Variants in NAALADL2 observed in about 807,000 individuals in gnomAD.
NAALADL2 encodes the protein N-acetylated alpha-linked acidic dipeptidase like 2.
NAALADL2 carries 76 observed loss-of-function variants against 87.2 expected under a neutral mutation model. The observed-to-expected ratio is 0.87, with a 90% CI of 0.72 to 1.05. The LOEUF is 1.05. Ranked by LOEUF, NAALADL2 falls within the 50% of genes least tolerant of loss-of-function variation. The pLI, the probability that NAALADL2 is intolerant of heterozygous loss-of-function variation, is 0.00. For missense variants in NAALADL2, 1,089 were observed against 945.8 expected (o/e 1.15, Z -1.99); for synonymous variants, 354 against 331.0 (o/e 1.07, Z -0.75).
chr3:174,841,904 C>T (rs1036942137), intron 3 of NAALADL2, among the ~76,000 whole-genome samples: 2 of 152,052 alleles, frequency 1.3e-5, no homozygotes, highest in Admixed American at 6.6e-5. Context: ...CTTAGCATTC[C>T]TCTTGAGGGG....
intron 12 of NAALADL2, among the ~76,000 whole-genome samples, 153 bp downstream of exon 12, chr3:175,737,552 TTA>T (rs1246335943): frequency 1.3e-5 from 2 of 152,080 alleles, no homozygotes; most frequent in African/African-American, 4.8e-5. Context: ...TGGAAGAATT[TTA>T]GTTTTCATTC....
intron 1 of NAALADL2, among the ~76,000 whole-genome samples, chr3:174,484,911 T>C (rs1196414557): frequency 6.6e-6 from 1 of 151,928 alleles, no homozygotes; most frequent in Non-Finnish European, 1.5e-5. Flanking sequence ...ATAGGCAGTA[T>C]TTGCTTAGCC....
At chr3:175,168,907 CTCAAATAAGA>C (rs1026224188) in intron 2 of NAALADL2, among the ~76,000 whole-genome samples, 1 of 151,556 alleles carries the variant, frequency 6.6e-6, no homozygotes. Flanking sequence ...TATTGTTGTC[CTCAAATAAGA>C]TCAAACATTT....
chr3:175,400,181 C>T (rs1011351522), intron 5 of NAALADL2, among the ~76,000 whole-genome samples: 5 of 152,060 alleles, frequency 3.3e-5, no homozygotes, highest in Admixed American at 6.6e-5. Flanking sequence ...AATCAATCTG[C>T]GTTATTCCCA....
In NAALADL2 at chr3:175,259,498, AC is replaced by A. The variant is rs765312974; in HGVS notation, c.939+2969del. On this transcript the variant is annotated intron_variant, in intron 4 of 13. Transcript: ENST00000454872. ...TCAGGAAAAATGAACCTCTAGGGAT[AC>A]TTTTAAAAGAGTAATGGGAAAGAAA... Among the ~76,000 whole-genome samples the A allele has an allele frequency of 2.5e-4, 38 of 152,316 alleles. No homozygotes were observed. In the Middle Eastern group the frequency reaches 0.014, roughly 55 times the overall value.
chr3:174,938,994 C>T (rs1738159658), intron 1 of NAALADL2, among the ~76,000 whole-genome samples: 1 of 151,908 alleles, frequency 6.6e-6, no homozygotes, highest in Non-Finnish European at 1.5e-5. Context: ...TTTTGCTGTG[C>T]AGAAGCTCTT....
chr3:175,513,169 A>G (rs149817768), intron 9 of NAALADL2, among the ~76,000 whole-genome samples: 27 of 152,314 alleles, frequency 1.8e-4, no homozygotes, highest in Middle Eastern at 6.8e-3. Flanking sequence ...AATGAATATT[A>G]TTAATGGAAC....
At chr3:174,981,681 C>A (rs145984905) in intron 1 of NAALADL2, among the ~76,000 whole-genome samples, 1 of 152,028 alleles carries the variant, frequency 6.6e-6, no homozygotes, top group Non-Finnish European at 1.5e-5. Flanking sequence ...ATAAAAAAAC[C>A]CCAAAATGAC....
intron 2 of NAALADL2, among the ~76,000 whole-genome samples, chr3:175,151,824 TAGC>T (rs1486045218): frequency 6.6e-6 from 1 of 152,136 alleles, no homozygotes; most frequent in African/African-American, 2.4e-5. Flanking sequence ...GAATAAATCA[TAGC>T]AACAACAAAA....
At chr3:174,495,454 G>A (rs1415870827) in intron 1 of NAALADL2, among the ~76,000 whole-genome samples, 1 of 152,118 alleles carries the variant, frequency 6.6e-6, no homozygotes, top group South Asian at 2.1e-4. Context: ...TCTTGAACAC[G>A]TTTATTCCCA....
rs560591543 is a variant in NAALADL2 at position 175,009,728 on chromosome 3, T to G, written c.44-87062T>G. Among the ~76,000 whole-genome samples the G allele has an allele frequency of 7.7e-4, 118 of 152,274 alleles. 2 individuals carry two copies. Among genetic ancestry groups the G allele is most frequent in the African/African-American group, 2.7e-3 (113 of 41,558 alleles). On this transcript the variant is annotated intron_variant, in intron 1 of 13. Coordinates refer to ENST00000454872, the MANE Select transcript of NAALADL2 (RefSeq NM_207015.3). ...GGACCCTCACTGGATAGTCACAAAA[T>G]ACTTTCTTAGTTATTTAATTCATAT...
rs569689050 is a variant in NAALADL2, at chr3:175,526,057, A to T, written c.1654-49984A>T. ...GAGACTTTAAAAAGAATAATCTACA[A>T]TTCGCAACCAGTATCTTTAAAATGT... is the stretch of plus-strand genomic sequence containing the variant. On this transcript the variant is annotated intron_variant, in intron 9 of 13. Coordinates refer to ENST00000454872, the MANE Select transcript of NAALADL2 (RefSeq NM_207015.3). Among the ~76,000 whole-genome samples the T allele has an allele frequency of 2.0e-5, 3 of 152,326 alleles. No homozygotes were observed. The South Asian group carries it at 6.2e-4, about 32-fold the overall frequency.
rs145637939 is a variant in NAALADL2 at position 175,770,132 on chromosome 3, G to T, written c.2189+14714G>T. 5.5e-3 allele frequency among the ~76,000 whole-genome samples: 843 copies of T among 152,210 alleles called. 8 individuals carry two copies. Among genetic ancestry groups the T allele is most frequent in the African/African-American group, 0.018 (760 of 41,554 alleles). ...TGGACTAGTGTTTGAACAAACAACT[G>T]GGCAGTATTGCCTCACTACATTGAC... On this transcript the variant is annotated intron_variant, in intron 13 of 13. Coordinates refer to ENST00000454872, the MANE Select transcript of NAALADL2 (RefSeq NM_207015.3).
At chr3:175,753,434 G>A (rs1392674643) in intron 12 of NAALADL2, among the ~76,000 whole-genome samples, 1 of 151,534 alleles carries the variant, frequency 6.6e-6, no homozygotes, top group Non-Finnish European at 1.5e-5. Context: ...TGCTTATTTA[G>A]TAAACAATTA....
chr3:175,771,878 A>C (rs1324275937), intron 13 of NAALADL2, among the ~76,000 whole-genome samples: 1 of 152,286 alleles, frequency 6.6e-6, no homozygotes, highest in East Asian at 1.9e-4. Flanking sequence ...GGAAACTTAT[A>C]CATAGCAGCA....
chr3:175,635,140 C>G (rs892353513), intron 11 of NAALADL2, among the ~76,000 whole-genome samples: 1 of 151,962 alleles, frequency 6.6e-6, no homozygotes, highest in Non-Finnish European at 1.5e-5. Context: ...TTTTCTCTTG[C>G]CTAGAGAGGT....
intron 1 of NAALADL2, among the ~76,000 whole-genome samples, chr3:174,898,822 A>C (rs1731950659): frequency 6.6e-6 from 1 of 152,190 alleles, no homozygotes; most frequent in South Asian, 2.1e-4. Flanking sequence ...TCTAAAAGAA[A>C]AGCAAGGAAA....
intron 4 of NAALADL2, among the ~76,000 whole-genome samples, chr3:175,306,642 A>T (rs1757760677): frequency 6.6e-6 from 1 of 152,176 alleles, no homozygotes; most frequent in African/African-American, 2.4e-5. Context: ...CTTGGCCAGC[A>T]TGGTGAAACC....
At chr3:175,551,440 G>C (rs1428822344) in intron 9 of NAALADL2, among the ~76,000 whole-genome samples, 1 of 152,100 alleles carries the variant, frequency 6.6e-6, no homozygotes, top group Non-Finnish European at 1.5e-5. Context: ...AACAGCTGTT[G>C]ACTGACAAGA....
Sources: gnomAD v4.1 joint callset for allele counts (sites outside exome capture counted in the v4.1 genomes callset) on GRCh38, gnomAD v4.1.1 for gene constraint, MANE v1.5 for transcripts, NCBI Gene and HGNC (gene_info 2026-07-23, HGNC 2026-07-21) for gene names.